Variants in ZBTB7C observed in about 807,000 individuals in gnomAD.
The protein encoded by ZBTB7C is zinc finger and BTB domain-containing protein 7C.
Under a neutral mutation model 25.7 loss-of-function variants are expected in ZBTB7C, and 8 were observed. That is an observed-to-expected ratio of 0.31 (90% CI 0.18 to 0.56). The LOEUF is 0.56. Among genes scored for constraint, ZBTB7C ranks in the 20% least tolerant of loss-of-function variants. The pLI, the probability that ZBTB7C is intolerant of heterozygous loss-of-function variation, is 0.91. For missense variants in ZBTB7C, 824 were observed against 855.2 expected (o/e 0.96, Z 0.46); for synonymous variants, 394 against 369.0 (o/e 1.07, Z -0.78).
chr18:48,072,889 C>A (rs953116692), intron 3 of ZBTB7C, among the ~76,000 whole-genome samples: 1 of 152,210 alleles, frequency 6.6e-6, no homozygotes, highest in Non-Finnish European at 1.5e-5. Context: ...CTGGCCTTCC[C>A]GACAGAGCCA....
intron 2 of ZBTB7C, among the ~76,000 whole-genome samples, chr18:48,236,055 CAT>C (rs2043370443): frequency 6.6e-6 from 1 of 152,338 alleles, no homozygotes; most frequent in East Asian, 1.9e-4. Context: ...AAGAATTAGA[CAT>C]GTGTTAGACC....
intron 3 of ZBTB7C, among the ~76,000 whole-genome samples, chr18:48,110,329 C>A (rs1271664768): frequency 7.2e-6 from 1 of 138,428 alleles, no homozygotes; most frequent in Non-Finnish European, 1.5e-5. Flanking sequence ...TGCCCTACCC[C>A]CCCACCTGGT....
rs144337535 is a variant in ZBTB7C, at chr18:48,041,343, T to G, written c.-16-220A>C. Reference sequence around the variant, plus strand: ...ACCCCTAAGACTCTTAGGGATAGGCTTCTCACTGGGCAGCTGGTGTCAGCT... The same window carrying G: ...ACCCCTAAGACTCTTAGGGATAGGCGTCTCACTGGGCAGCTGGTGTCAGCT... On this transcript the variant is annotated intron_variant, in intron 3 of 4. Transcript: ENST00000590800. 3,181 of 985,442 alleles carry G rather than the reference T, an allele frequency of 3.2e-3. 5 individuals carry two copies. Among genetic ancestry groups the G allele is most frequent in the Admixed American group, 4.3e-3 (70 of 16,288 alleles). The allele number at this position is 985,442 out of a possible 1,614,324, so 61.0% of individuals were successfully genotyped here.
At chr18:48,087,309 A>G (rs1012149105) in intron 3 of ZBTB7C, among the ~76,000 whole-genome samples, 9 of 152,210 alleles carry the variant, frequency 5.9e-5, no homozygotes, top group African/African-American at 1.9e-4. Flanking sequence ...TTTCTATGAG[A>G]ATGTGAAAAT....
chr18:48,217,334 A>C (rs903784396), intron 2 of ZBTB7C, among the ~76,000 whole-genome samples: 1 of 152,166 alleles, frequency 6.6e-6, no homozygotes, highest in Non-Finnish European at 1.5e-5. Flanking sequence ...GCCCTCACGC[A>C]ACCATCAGAA....
chr18:48,111,395 A>C (rs2039233871), intron 3 of ZBTB7C, among the ~76,000 whole-genome samples: 1 of 152,232 alleles, frequency 6.6e-6, no homozygotes, highest in South Asian at 2.1e-4. Flanking sequence ...AAGGTTTATG[A>C]AGTGAACAAT....
intron 3 of ZBTB7C, among the ~76,000 whole-genome samples, chr18:48,138,419 A>G (rs1180313146): frequency 6.6e-6 from 1 of 152,200 alleles, no homozygotes; most frequent in African/African-American, 2.4e-5. Flanking sequence ...GGAAGGCAGG[A>G]AAGGTCGGGT....
chr18:48,095,751 T>C (rs200824380), intron 3 of ZBTB7C, among the ~76,000 whole-genome samples: 1 of 74,374 alleles, frequency 1.3e-5, no homozygotes, highest in East Asian at 5.7e-4. Context: ...ATAAAAATGG[T>C]TATTGGGTGA....
chr18:48,073,586 G>A (rs986272759), intron 3 of ZBTB7C, among the ~76,000 whole-genome samples: 38 of 152,174 alleles, frequency 2.5e-4, no homozygotes, highest in African/African-American at 8.9e-4. Context: ...GATTAAAACA[G>A]GCCCTGAGTT....
rs192750473 is a variant in ZBTB7C at position 48,286,657 on chromosome 18, T to C, written c.-79+51517A>G. On this transcript the variant is annotated intron_variant, in intron 2 of 4. Coordinates refer to ENST00000590800, the MANE Select transcript of ZBTB7C (RefSeq NM_001318841.2). ...AATTTAGAAACTCTTGTCAAACAGA[T>C]ACAATAAGCAAGGATATGTTTTAAA... 2.8e-4 allele frequency among the ~76,000 whole-genome samples: 42 copies of C among 152,258 alleles called. No homozygotes were observed. The East Asian group carries it at 6.6e-3, about 24-fold the overall frequency.
At chr18:48,137,117 CG>C in intron 3 of ZBTB7C, 6 of 985,472 alleles carry the variant, frequency 6.1e-6, no homozygotes, top group Non-Finnish European at 7.2e-6. Context: ...CTGCCGCAGC[CG>C]GCGGGAGGTT....
intron 2 of ZBTB7C, among the ~76,000 whole-genome samples, chr18:48,200,958 C>T (rs2042430746): frequency 6.6e-6 from 1 of 152,156 alleles, no homozygotes; most frequent in African/African-American, 2.4e-5. Flanking sequence ...ATGAAGCAGG[C>T]CACCCCAGGC....
At chr18:48,272,481 C>T (rs1271928233) in intron 2 of ZBTB7C, among the ~76,000 whole-genome samples, 1 of 152,140 alleles carries the variant, frequency 6.6e-6, no homozygotes, top group Non-Finnish European at 1.5e-5. Context: ...TACTGAGGTG[C>T]TAATCTCCCA....
At chr18:48,212,277 G>A (rs554667466) in intron 2 of ZBTB7C, among the ~76,000 whole-genome samples, 7 of 152,266 alleles carry the variant, frequency 4.6e-5, no homozygotes, top group Admixed American at 2.6e-4. Flanking sequence ...TGACACTCTG[G>A]AAAAGACAGA....
intron 3 of ZBTB7C, among the ~76,000 whole-genome samples, chr18:48,182,400 A>C (rs1217841711): frequency 1.3e-5 from 2 of 152,252 alleles, no homozygotes; most frequent in African/African-American, 4.8e-5. Flanking sequence ...CATTGAACAG[A>C]GCATTCAAGA....
intron 3 of ZBTB7C, among the ~76,000 whole-genome samples, chr18:48,118,454 T>G (rs1415156905): frequency 6.6e-6 from 1 of 152,250 alleles, no homozygotes; most frequent in Non-Finnish European, 1.5e-5. Context: ...GTTAATATAT[T>G]AACTTTTTGG....
At chr18:48,256,477 C>CAAAAA (rs35449001) in intron 2 of ZBTB7C, among the ~76,000 whole-genome samples, 5 of 131,446 alleles carry the variant, frequency 3.8e-5, no homozygotes, top group East Asian at 2.3e-4. Flanking sequence ...TACAAAAGCT[C>CAAAAA]AAAAAAAAAA....
At chr18:48,412,044 A>G (rs8099461), upstream of ZBTB7C, among the ~76,000 whole-genome samples, 20,121 of 152,214 alleles carry the variant, frequency 0.13, 2,597 homozygotes, top group African/African-American at 0.34. Flanking sequence ...CAACTCTCTA[A>G]AGCCTCCATT....
At chr18:48,125,006 G>A (rs1775370411) in intron 3 of ZBTB7C, among the ~76,000 whole-genome samples, 1 of 152,222 alleles carries the variant, frequency 6.6e-6, no homozygotes, top group Non-Finnish European at 1.5e-5. Context: ...CACGGTCACA[G>A]GCAGAATGCA....
Sources: gnomAD v4.1 joint callset for allele counts (sites outside exome capture counted in the v4.1 genomes callset) on GRCh38, gnomAD v4.1.1 for gene constraint, MANE v1.5 for transcripts, NCBI Gene and HGNC (gene_info 2026-07-23, HGNC 2026-07-21) for gene names.